The following ZBTB20 variants were observed in gnomAD, a reference collection of about 807,000 sequenced individuals.
ZBTB20 encodes the protein zinc finger and BTB domain-containing protein 20.
A neutral mutation model predicts 56.9 loss-of-function variants in ZBTB20; 9 were observed. That is an observed-to-expected ratio of 0.16 (90% CI 0.10 to 0.28). The LOEUF is 0.28. Among genes scored for constraint, ZBTB20 ranks in the 10% least tolerant of loss-of-function variants. ZBTB20 has a pLI of 1.00. For synonymous variants in ZBTB20, 417 were observed against 420.7 expected, an observed-to-expected ratio of 0.99 and a Z score of 0.11; for missense variants, 655 against 1,003.0, an observed-to-expected ratio of 0.65 and a Z score of 4.69.
At chr3:114,787,464 T>C (rs2070641483) in intron 5 of ZBTB20, among the ~76,000 whole-genome samples, 1 of 150,532 alleles carries the variant, frequency 6.6e-6, no homozygotes, top group Non-Finnish European at 1.5e-5. Flanking sequence ...CATATATACA[T>C]ATATATCCAT....
intron 8 of ZBTB20, among the ~76,000 whole-genome samples, chr3:114,385,593 G>T (rs1006216118): frequency 1.3e-5 from 2 of 152,196 alleles, no homozygotes; most frequent in Non-Finnish European, 2.9e-5. Flanking sequence ...TCCGGGCAAG[G>T]GGTGGTAGCT....
intron 3 of ZBTB20, among the ~76,000 whole-genome samples, chr3:114,902,413 T>C (rs1446378334): frequency 6.6e-6 from 1 of 152,132 alleles, no homozygotes; most frequent in African/African-American, 2.4e-5. Context: ...TTAAAAACAC[T>C]AAAAAATGTT....
chr3:114,666,704 G>T (rs1482376403), intron 6 of ZBTB20, among the ~76,000 whole-genome samples: 2 of 151,932 alleles, frequency 1.3e-5, no homozygotes, highest in Non-Finnish European at 2.9e-5. Flanking sequence ...CTTTTCACTT[G>T]CAAAGAACCA....
chr3:114,521,216 C>T (rs1186564984), intron 6 of ZBTB20, among the ~76,000 whole-genome samples: 1 of 152,096 alleles, frequency 6.6e-6, no homozygotes, highest in East Asian at 1.9e-4. Context: ...GGACCTCAAA[C>T]TATTTCAACT....
intron 1 of ZBTB20, among the ~76,000 whole-genome samples, chr3:115,120,635 T>C (rs1382516395): frequency 8.5e-5 from 13 of 152,172 alleles, no homozygotes; most frequent in Middle Eastern, 6.8e-3. Flanking sequence ...ACCAAATGGT[T>C]AAAAATCACT....
intron 3 of ZBTB20, among the ~76,000 whole-genome samples, chr3:114,956,679 A>T (rs950502275): frequency 1.3e-5 from 2 of 152,200 alleles, no homozygotes; most frequent in African/African-American, 4.8e-5. Flanking sequence ...GGATCCAAGA[A>T]TCTTGGTTAA....
chr3:115,121,715 A>C (rs1318168580), intron 1 of ZBTB20, among the ~76,000 whole-genome samples: 1 of 152,048 alleles, frequency 6.6e-6, no homozygotes, highest in Non-Finnish European at 1.5e-5. Flanking sequence ...GCTTATCTTC[A>C]AGGAACATAA....
At chr3:114,574,390 T>C (rs1027163086) in intron 6 of ZBTB20, among the ~76,000 whole-genome samples, 4 of 152,206 alleles carry the variant, frequency 2.6e-5, no homozygotes, top group Admixed American at 6.5e-5. Flanking sequence ...TTTGTGTCAA[T>C]ATATAGATAT....
chr3:114,568,357 A>G (rs1239490007), intron 6 of ZBTB20, among the ~76,000 whole-genome samples: 1 of 152,202 alleles, frequency 6.6e-6, no homozygotes, highest in African/African-American at 2.4e-5. Context: ...CCATGTGTCT[A>G]AAAGAAAGAA....
intron 3 of ZBTB20, among the ~76,000 whole-genome samples, chr3:114,962,687 G>A (rs570764703): frequency 6.6e-6 from 1 of 152,154 alleles, no homozygotes; most frequent in East Asian, 1.9e-4. Flanking sequence ...CCAGTTAGTG[G>A]ACCATTTTGA....
At chr3:114,474,891 T>C (rs2040569093) in intron 7 of ZBTB20, among the ~76,000 whole-genome samples, 1 of 152,190 alleles carries the variant, frequency 6.6e-6, no homozygotes, top group Non-Finnish European at 1.5e-5. Flanking sequence ...CTGCCTGATC[T>C]TGTGTCCTCT....
At chr3:115,103,371 G>T (rs187495359) in intron 1 of ZBTB20, among the ~76,000 whole-genome samples, 1 of 152,122 alleles carries the variant, frequency 6.6e-6, no homozygotes, top group Non-Finnish European at 1.5e-5. Flanking sequence ...ATATGGAGAG[G>T]CAAAAGACTG....
Position 114,660,302 on chromosome 3 carries a change from T to C in ZBTB20, c.-295+33226A>G, listed in dbSNP as rs977084337. ...ACAGTGCATTTTCACATTCTCAAAG[T>C]CTGCAGTTGTTTTTATATAAGAAGC... On this transcript the variant is annotated intron_variant, in intron 6 of 11. Transcript: ENST00000675478. Among the ~76,000 whole-genome samples, 4 of 152,136 alleles carry C rather than the reference T, an allele frequency of 2.6e-5. No individual in the cohort carries two copies. The East Asian group carries it at 7.7e-4, about 29-fold the overall frequency.
chr3:114,678,365 G>C (rs190215359), intron 6 of ZBTB20, among the ~76,000 whole-genome samples: 70 of 152,184 alleles, frequency 4.6e-4, no homozygotes, highest in Non-Finnish European at 4.7e-4. Flanking sequence ...ACTTAAAATT[G>C]ATCCTACTGT....
chr3:114,463,852 T>G (rs946468700), intron 7 of ZBTB20, among the ~76,000 whole-genome samples: 1 of 152,200 alleles, frequency 6.6e-6, no homozygotes, highest in East Asian at 1.9e-4. Context: ...AATGCATTGT[T>G]GCTATTTAGA....
At chr3:114,404,949 T>G (rs1419676763) in intron 7 of ZBTB20, among the ~76,000 whole-genome samples, 1 of 152,122 alleles carries the variant, frequency 6.6e-6, no homozygotes, top group African/African-American at 2.4e-5. Context: ...CCAACTTAGT[T>G]TGACCCAGCG....
At chr3:114,495,947 G>A (rs2043236236) in intron 7 of ZBTB20, among the ~76,000 whole-genome samples, 1 of 152,100 alleles carries the variant, frequency 6.6e-6, no homozygotes, top group Non-Finnish European at 1.5e-5. Flanking sequence ...TAAAAGCTAT[G>A]CACCTTTAAT....
Position 115,122,219 on chromosome 3 carries a change from T to A in ZBTB20, c.-703+25000A>T, listed in dbSNP as rs961390138. Among the ~76,000 whole-genome samples the A allele has an allele frequency of 3.9e-5, 6 of 152,154 alleles. No individual in the cohort carries two copies. In the East Asian group the frequency reaches 9.6e-4, roughly 24 times the overall value. On this transcript the variant is annotated intron_variant, in intron 1 of 11. Coordinates refer to ENST00000675478, the MANE Select transcript of ZBTB20 (RefSeq NM_001348800.3). ...AAGGGGAAAACTTGGCAAGTAAAGA[T>A]GAGAGATGAATTTCTAATGGGGGAA...
chr3:115,001,263 C>T (rs2079237773), intron 2 of ZBTB20, among the ~76,000 whole-genome samples: 2 of 151,328 alleles, frequency 1.3e-5, no homozygotes, highest in South Asian at 4.1e-4. Context: ...TAAATTCTAG[C>T]ACTCTATTCC....
Sources: allele counts gnomAD v4.1 joint callset (sites outside exome capture counted in the v4.1 genomes callset), GRCh38; gene constraint gnomAD v4.1.1; transcripts MANE v1.5; gene names NCBI Gene and HGNC (gene_info 2026-07-23, HGNC 2026-07-21).